CDH13: variants seen among roughly 807,000 people sequenced by gnomAD.
The protein encoded by CDH13 is cadherin-13.
CDH13 carries 24 observed loss-of-function variants against 63.8 expected under a neutral mutation model. That is an observed-to-expected ratio of 0.38 (90% CI 0.27 to 0.53). CDH13 has a LOEUF of 0.53. CDH13 is among the 20% of genes least tolerant of loss of function. CDH13 has a pLI of 0.85. For missense variants in CDH13, 1,049 were observed against 903.1 expected (o/e 1.16, Z -2.07); for synonymous variants, 503 against 355.3 (o/e 1.42, Z -4.67).
At chr16:83,493,414 T>C (rs2074063927) in intron 7 of CDH13, among the ~76,000 whole-genome samples, 1 of 152,202 alleles carries the variant, frequency 6.6e-6, no homozygotes, top group South Asian at 2.1e-4. Flanking sequence ...GCTGAACTCA[T>C]GGTGCTGGAT....
chr16:83,458,584 A>G (rs1296631136), intron 6 of CDH13, among the ~76,000 whole-genome samples: 3 of 152,218 alleles, frequency 2.0e-5, no homozygotes, highest in Non-Finnish European at 2.9e-5. Context: ...TTCCATGACA[A>G]TACAAATTCT....
At chr16:83,520,974 G>A (rs73605871) in intron 7 of CDH13, among the ~76,000 whole-genome samples, 4,051 of 151,678 alleles carry the variant, frequency 0.027, 181 homozygotes, top group African/African-American at 0.091. Flanking sequence ...TTCAACCATC[G>A]CCTCCCAAAC....
In CDH13 at chr16:83,570,946, C is replaced by CATATATATATATAT. The variant is rs57586630; in HGVS notation, c.961-31496_961-31483dup. Among the ~76,000 whole-genome samples the CATATATATATATAT allele has an allele frequency of 6.3e-3, 690 of 109,874 alleles. 6 individuals carry two copies. The highest frequency in any genetic ancestry group is 0.019 in the African/African-American group (607 of 31,820). 72.1% of individuals were successfully genotyped at this position (109,874 alleles called of 152,430 possible). On this transcript the variant is annotated intron_variant, in intron 7 of 13. Transcript: ENST00000567109. Reference sequence around the variant, plus strand: ...TACATTCATATATTTATAACTCATCCATATATATATATATATATATATATA... The same window carrying CATATATATATATAT: ...TACATTCATATATTTATAACTCATCCATATATATATATATATATATATATATATATATATATATA...
At chr16:82,926,125 C>A (rs2042297386) in intron 2 of CDH13, 1 of 152,086 alleles carries the variant, frequency 6.6e-6, no homozygotes, top group Non-Finnish European at 1.5e-5. Flanking sequence ...CCAGGGATTC[C>A]TAACTTTTTC....
chr16:83,699,162 C>T (rs1363077133), intron 10 of CDH13, among the ~76,000 whole-genome samples: 5 of 152,242 alleles, frequency 3.3e-5, no homozygotes, highest in African/African-American at 4.8e-5. Context: ...CCCCAAAGCA[C>T]GGGCATTGTG....
At chr16:83,481,867 C>T (rs1313037614) in intron 6 of CDH13, among the ~76,000 whole-genome samples, 1 of 152,284 alleles carries the variant, frequency 6.6e-6, no homozygotes, top group African/African-American at 2.4e-5. Context: ...AAACACAAGA[C>T]AAGCCCGGAT....
At chr16:82,895,785 G>A (rs1220557587) in intron 2 of CDH13, among the ~76,000 whole-genome samples, 1 of 151,806 alleles carries the variant, frequency 6.6e-6, no homozygotes, top group Non-Finnish European at 1.5e-5. Flanking sequence ...TAGCTTTAAG[G>A]GAGGCACTCA....
chr16:83,420,484 GCT>G (rs138699056), intron 6 of CDH13, among the ~76,000 whole-genome samples: 1 of 152,234 alleles, frequency 6.6e-6, no homozygotes, highest in African/African-American at 2.4e-5. Context: ...TGGTAGCTGT[GCT>G]CTCTCTCGTA....
intron 7 of CDH13, among the ~76,000 whole-genome samples, chr16:83,591,057 C>A (rs950937592): frequency 3.3e-5 from 5 of 151,902 alleles, no homozygotes; most frequent in Non-Finnish European, 7.4e-5. Flanking sequence ...ATTACAGGCA[C>A]CTGCCACCAC....
At chr16:82,706,367 G>A (rs972409399) in intron 1 of CDH13, among the ~76,000 whole-genome samples, 5 of 152,192 alleles carry the variant, frequency 3.3e-5, no homozygotes, top group African/African-American at 7.2e-5. Flanking sequence ...GATAGGGAAT[G>A]GCTTTGGGGA....
intron 7 of CDH13, among the ~76,000 whole-genome samples, chr16:83,540,151 G>A (rs542289682): frequency 4.9e-4 from 73 of 148,610 alleles, no homozygotes; most frequent in African/African-American, 1.6e-3. Flanking sequence ...TTCAATCTCC[G>A]CCTCCCAGGT....
At chr16:82,944,130 C>T (rs866309314) in intron 2 of CDH13, among the ~76,000 whole-genome samples, 1 of 152,174 alleles carries the variant, frequency 6.6e-6, no homozygotes, top group Non-Finnish European at 1.5e-5. Context: ...CATTAGAGAT[C>T]AGGAGAATCG....
intron 1 of CDH13, among the ~76,000 whole-genome samples, chr16:82,674,875 T>A (rs190041456): frequency 5.4e-4 from 83 of 152,316 alleles, no homozygotes; most frequent in African/African-American, 1.9e-3. Flanking sequence ...ATAGATAGAA[T>A]GTGGCAATAA....
At chr16:83,362,392 T>C (rs187081964) in intron 6 of CDH13, among the ~76,000 whole-genome samples, 16 of 152,304 alleles carry the variant, frequency 1.1e-4, no homozygotes, top group East Asian at 7.7e-4. Flanking sequence ...TTCAGCAAAA[T>C]GTGTAAGTGA....
chr16:83,098,753 G>A (rs1056968807), intron 3 of CDH13, among the ~76,000 whole-genome samples: 3 of 152,184 alleles, frequency 2.0e-5, no homozygotes, highest in Non-Finnish European at 4.4e-5. Context: ...TGTGTGCCAT[G>A]TGTCTTCTTC....
intron 8 of CDH13, among the ~76,000 whole-genome samples, chr16:83,652,911 A>G (rs527637874): frequency 5.3e-5 from 8 of 152,320 alleles, no homozygotes; most frequent in African/African-American, 1.9e-4. Flanking sequence ...AGGTCCATCA[A>G]CTGATAAATG....
At chr16:83,391,831 T>C (rs62042631) in intron 6 of CDH13, among the ~76,000 whole-genome samples, 14,316 of 152,264 alleles carry the variant, frequency 0.094, 828 homozygotes, top group Middle Eastern at 0.14. Flanking sequence ...GGGTCTGCAT[T>C]GTGGTGATGT....
intron 5 of CDH13, among the ~76,000 whole-genome samples, chr16:83,336,411 C>T (rs56099709): frequency 0.44 from 66,070 of 151,668 alleles, 14,526 homozygotes; most frequent in Admixed American, 0.48. Context: ...CCAGAGATAA[C>T]GGCAGTGGCA....
chr16:83,783,226 C>T (rs773235124), intron 12 of CDH13, 28 bp from the exon 13 acceptor site: 2 of 1,539,236 alleles, frequency 1.3e-6, no homozygotes, highest in Admixed American at 3.4e-5. Context: ...CTCATCCACT[C>T]TCACCAGAAC....
Sources: gnomAD v4.1 joint callset for allele counts (sites outside exome capture counted in the v4.1 genomes callset) on GRCh38, gnomAD v4.1.1 for gene constraint, MANE v1.5 for transcripts, NCBI Gene and HGNC (gene_info 2026-07-23, HGNC 2026-07-21) for gene names.